Variants in OSBPL10 observed in about 807,000 individuals in gnomAD.
OSBPL10 encodes the protein oxysterol-binding protein-related protein 10.
OSBPL10 carries 49 observed loss-of-function variants against 81.7 expected under a neutral mutation model. The ratio of observed to expected loss-of-function variants is 0.60; its 90% CI spans 0.48 to 0.76. The LOEUF is 0.76. OSBPL10 is among the 30% of genes least tolerant of loss of function. OSBPL10 has a pLI of 0.00. For synonymous variants in OSBPL10, 419 were observed against 383.6 expected (o/e 1.09, Z -1.08); for missense variants, 923 against 987.8 (o/e 0.93, Z 0.88).
intron 4 of OSBPL10, among the ~76,000 whole-genome samples, chr3:31,770,806 A>C (rs1433538969): frequency 1.3e-5 from 2 of 152,180 alleles, no homozygotes. Flanking sequence ...GAAGGGAACT[A>C]GTTTTGAGCT....
intron 1 of OSBPL10, among the ~76,000 whole-genome samples, chr3:31,896,240 C>T (rs1696054057): frequency 6.6e-6 from 1 of 152,200 alleles, no homozygotes; most frequent in East Asian, 1.9e-4. Context: ...GTTATTGCAT[C>T]ACTTTTCAGA....
intron 1 of OSBPL10, among the ~76,000 whole-genome samples, chr3:31,894,827 A>C (rs967999588): frequency 6.6e-6 from 1 of 152,226 alleles, no homozygotes; most frequent in African/African-American, 2.4e-5. Context: ...TTTTAGTCGG[A>C]CACAACATGC....
intron 3 of OSBPL10, among the ~76,000 whole-genome samples, chr3:31,867,770 G>A (rs1701217889): frequency 6.7e-6 from 1 of 149,402 alleles, no homozygotes; most frequent in African/African-American, 2.5e-5. Context: ...AGGAAGGGAG[G>A]GAGGGAGGGA....
At chr3:32,058,075 A>G (rs1314891722) in intron 1 of OSBPL10, among the ~76,000 whole-genome samples, 1 of 152,254 alleles carries the variant, frequency 6.6e-6, no homozygotes, top group Admixed American at 6.5e-5. Flanking sequence ...AATAGTTTTC[A>G]TAAGATCTGT....
chr3:31,990,355 T>C lies in OSBPL10; in HGVS notation n.298+56136A>G, dbSNP rs574390239. 2.4e-5 allele frequency: 39 copies of C among 1,613,994 alleles called. No individual in the cohort carries two copies. Among genetic ancestry groups the C allele is most frequent in the Non-Finnish European group, 3.3e-5 (39 of 1,179,998 alleles). On this transcript the variant is annotated intron_variant and non_coding_transcript_variant, in intron 2 of 3. Transcript: ENST00000479173. ...GAGAATCCATAATGAAGAGAGATCT[T>C]ACAAGTGTAATAAATGTGGCAAATT...
intron 2 of OSBPL10, chr3:31,990,507 TAC>T: frequency 6.2e-7 from 1 of 1,604,464 alleles, no homozygotes; most frequent in Non-Finnish European, 8.5e-7. Context: ...AGGCAATTCA[TAC>T]TGGAGAGAAA....
At chr3:32,072,153 C>T (rs151041993) in intron 1 of OSBPL10, among the ~76,000 whole-genome samples, 6 of 152,272 alleles carry the variant, frequency 3.9e-5, no homozygotes, top group African/African-American at 1.4e-4. Flanking sequence ...CCTGCACCAC[C>T]ATGCTGTTAT....
At chr3:31,749,714 C>T (rs901205477) in intron 4 of OSBPL10, among the ~76,000 whole-genome samples, 1 of 152,052 alleles carries the variant, frequency 6.6e-6, no homozygotes, top group African/African-American at 2.4e-5. Flanking sequence ...ACTCAGGAGG[C>T]TGAGGGAGGA....
At chr3:32,040,832 A>G (rs1699567842) in intron 2 of OSBPL10, among the ~76,000 whole-genome samples, 1 of 152,268 alleles carries the variant, frequency 6.6e-6, no homozygotes, top group Admixed American at 6.5e-5. Flanking sequence ...GTGAGACTCC[A>G]TCTCTAATAA....
intron 8 of OSBPL10, among the ~76,000 whole-genome samples, chr3:31,672,269 CT>C (rs1290061135): frequency 1.4e-5 from 2 of 148,078 alleles, no homozygotes; most frequent in African/African-American, 5.0e-5. Context: ...AGGAAACAAA[CT>C]TTTAAGAGAG....
At chr3:32,008,683 G>A (rs1316918314) in intron 2 of OSBPL10, among the ~76,000 whole-genome samples, 3 of 150,334 alleles carry the variant, frequency 2.0e-5, no homozygotes, top group African/African-American at 7.3e-5. Flanking sequence ...CCAGGCAGTC[G>A]AGGCTGCGGT....
chr3:31,941,225 A>G (rs1411094951), intron 1 of OSBPL10, among the ~76,000 whole-genome samples: 1 of 152,228 alleles, frequency 6.6e-6, no homozygotes, highest in Non-Finnish European at 1.5e-5. Flanking sequence ...ATATATACAC[A>G]GGAGACTGTA....
chr3:31,788,452 T>C (rs920541659), intron 4 of OSBPL10, among the ~76,000 whole-genome samples: 2 of 152,200 alleles, frequency 1.3e-5, no homozygotes, highest in Non-Finnish European at 2.9e-5. Flanking sequence ...CATATAATTC[T>C]TGATCTTGTT....
chr3:31,779,863 A>C (rs139497158), intron 4 of OSBPL10, among the ~76,000 whole-genome samples: 1,859 of 152,358 alleles, frequency 0.012, 40 homozygotes, highest in African/African-American at 0.042. Flanking sequence ...CTCAGACCAC[A>C]GTGGAATAAA....
chr3:31,852,565 T>G (rs1019080873), intron 3 of OSBPL10, among the ~76,000 whole-genome samples: 3 of 127,492 alleles, frequency 2.4e-5, no homozygotes, highest in Non-Finnish European at 5.3e-5. Flanking sequence ...GCACGGAAGT[T>G]TTTTCCTTTT....
intron 1 of OSBPL10, among the ~76,000 whole-genome samples, chr3:31,898,516 A>G (rs1696130055): frequency 6.6e-6 from 1 of 151,934 alleles, no homozygotes; most frequent in Non-Finnish European, 1.5e-5. Flanking sequence ...AGGCCAAGGC[A>G]GGAGGATCAT....
intron 1 of OSBPL10, among the ~76,000 whole-genome samples, chr3:31,899,825 A>T (rs533084921): frequency 4.3e-3 from 656 of 152,174 alleles, no homozygotes; most frequent in African/African-American, 6.4e-3. Flanking sequence ...TACAAAAAAA[A>T]TTTTTTTAAT....
At position 32,058,527 on chromosome 3, in the gene OSBPL10, A is replaced by C. The variant is rs184693461; in HGVS notation, n.186-11924T>G. ...TTTTCAGTAGAGATGGGGTTTCACC[A>C]TGTTGTCCAGGCTTGTCTCGAACTC... is the stretch of plus-strand genomic sequence containing the variant. On this transcript the variant is annotated intron_variant and non_coding_transcript_variant, in intron 1 of 3. Coordinates refer to the OSBPL10 transcript ENST00000479173. 2.7e-3 allele frequency among the ~76,000 whole-genome samples: 414 copies of C among 152,268 alleles called. 3 individuals are homozygous for C. Among genetic ancestry groups the C allele is most frequent in the African/African-American group, 9.4e-3 (390 of 41,572 alleles).
At chr3:31,831,232 C>T (rs1308269471) in intron 3 of OSBPL10, among the ~76,000 whole-genome samples, 2 of 151,986 alleles carry the variant, frequency 1.3e-5, no homozygotes, top group Non-Finnish European at 2.9e-5. Context: ...CATGGAGAAA[C>T]CCCATCTCTA....
Sources: allele counts gnomAD v4.1 joint callset (sites outside exome capture counted in the v4.1 genomes callset), GRCh38; gene constraint gnomAD v4.1.1; transcripts MANE v1.5; gene names NCBI Gene and HGNC (gene_info 2026-07-23, HGNC 2026-07-21).